CSMD1: variants seen among roughly 807,000 people sequenced by gnomAD.
The protein encoded by CSMD1 is CUB and sushi domain-containing protein 1.
A neutral mutation model predicts 417.5 loss-of-function variants in CSMD1; 213 were observed. The observed-to-expected ratio is 0.51, with a 90% CI of 0.46 to 0.57. CSMD1 has a LOEUF of 0.57. Among genes scored for constraint, CSMD1 ranks in the 20% least tolerant of loss-of-function variants. The pLI is 0.00. For missense variants in CSMD1, 6,923 were observed against 4,529.7 expected (o/e 1.53, Z -15.17); for synonymous variants, 2,862 against 1,736.8 (o/e 1.65, Z -16.11).
At chr8:4,728,561 G>A (rs908123714) in intron 1 of CSMD1, among the ~76,000 whole-genome samples, 5 of 152,080 alleles carry the variant, frequency 3.3e-5, no homozygotes, top group African/African-American at 9.7e-5. Flanking sequence ...AGCTCTTCAT[G>A]TCTTTATTCA....
intron 10 of CSMD1, among the ~76,000 whole-genome samples, chr8:3,531,540 G>A (rs1702464650): frequency 6.6e-6 from 1 of 152,190 alleles, no homozygotes; most frequent in Non-Finnish European, 1.5e-5. Context: ...GAGGGAGGCA[G>A]CCAGAAGTTC....
chr8:3,626,597 T>A (rs1253420150), intron 7 of CSMD1, among the ~76,000 whole-genome samples: 5 of 151,564 alleles, frequency 3.3e-5, no homozygotes, highest in Non-Finnish European at 7.4e-5. Flanking sequence ...TAGAAAACCA[T>A]GAGATATGAT....
rs574968438 is a variant in CSMD1 at position 3,049,224 on chromosome 8, A to G, written c.7660+3238T>C. 7.9e-5 allele frequency among the ~76,000 whole-genome samples: 12 copies of G among 152,212 alleles called. No individual in the cohort carries two copies. The South Asian group carries it at 2.5e-3, about 32-fold the overall frequency. ...CTTACCATTCACTCTATCAATCTCA[A>G]CCTTCGGTATTTACTCAAATATGTT... On this transcript the variant is annotated intron_variant, in intron 50 of 69. Transcript: ENST00000635120.
intron 40 of CSMD1, chr8:3,151,097 T>C (rs961746200): frequency 1.6e-4 from 36 of 218,522 alleles, no homozygotes; most frequent in Admixed American, 5.5e-4. Context: ...AAAAGAGCTA[T>C]TATAAATAAA....
intron 11 of CSMD1, among the ~76,000 whole-genome samples, chr8:3,473,412 A>G (rs1270600066): frequency 6.6e-6 from 1 of 152,222 alleles, no homozygotes; most frequent in Non-Finnish European, 1.5e-5. Context: ...CAAAAATTTC[A>G]TACAGTAAAA....
intron 49 of CSMD1, among the ~76,000 whole-genome samples, chr8:3,074,364 G>A (rs776286800): frequency 3.3e-5 from 5 of 152,076 alleles, no homozygotes; most frequent in Admixed American, 1.3e-4. Flanking sequence ...ACAACATAAC[G>A]CAATCACGGG....
intron 3 of CSMD1, among the ~76,000 whole-genome samples, chr8:4,131,050 C>A (rs1367446246): frequency 6.6e-6 from 1 of 152,110 alleles, no homozygotes; most frequent in East Asian, 1.9e-4. Flanking sequence ...TTGGATTTGT[C>A]CTAATCCTTT....
chr8:4,799,598 C>CAAAAAAAAAAAAAAAA (rs1168273531), intron 1 of CSMD1, among the ~76,000 whole-genome samples: 3 of 47,170 alleles, frequency 6.4e-5, no homozygotes, highest in South Asian at 1.6e-3. Flanking sequence ...GACTCCGTCT[C>CAAAAAAAAAAAAAAAA]AAAAAAAAAA....
chr8:3,861,551 C>T (rs147486003), intron 5 of CSMD1, among the ~76,000 whole-genome samples: 331 of 152,268 alleles, frequency 2.2e-3, no homozygotes, highest in African/African-American at 7.7e-3. Context: ...TTTAACTCCA[C>T]GTGAGCATTA....
intron 1 of CSMD1, among the ~76,000 whole-genome samples, chr8:4,810,382 T>C (rs1585136942): frequency 6.6e-6 from 1 of 152,214 alleles, no homozygotes; most frequent in East Asian, 1.9e-4. Context: ...ATTTATTCCA[T>C]AGCCATTCAT....
chr8:3,251,021 C>CACTCTGAT (rs1800215814), intron 26 of CSMD1, among the ~76,000 whole-genome samples: 2 of 152,108 alleles, frequency 1.3e-5, no homozygotes, highest in South Asian at 4.1e-4. Context: ...GTTGCCTGTT[C>CACTCTGAT]ACTCTGATGG....
chr8:4,281,277 G>T (rs1043628548), intron 3 of CSMD1, among the ~76,000 whole-genome samples: 8 of 152,192 alleles, frequency 5.3e-5, no homozygotes, highest in African/African-American at 1.9e-4. Flanking sequence ...AGCATTATGG[G>T]AAAATAGAAG....
chr8:3,279,971 A>G (rs1257334794), intron 26 of CSMD1, among the ~76,000 whole-genome samples: 1 of 152,194 alleles, frequency 6.6e-6, no homozygotes, highest in Non-Finnish European at 1.5e-5. Flanking sequence ...TAACCGTATC[A>G]GGAAGGTTAC....
At chr8:3,376,305 A>C (rs1260974071) in intron 18 of CSMD1, among the ~76,000 whole-genome samples, 1 of 152,080 alleles carries the variant, frequency 6.6e-6, no homozygotes, top group Non-Finnish European at 1.5e-5. Flanking sequence ...AACCAATAAT[A>C]CTTTTTCAAA....
chr8:3,205,122 A>G lies in CSMD1; in HGVS notation c.4984+382T>C, dbSNP rs113714108. On this transcript the variant is annotated intron_variant, in intron 31 of 69. Transcript: ENST00000635120. ...CATGATCTGGTTACTGAGTTCACTG[A>G]ATGTATGTGCCATTCATGCACAGAC... is the stretch of plus-strand genomic sequence containing the variant. Among the ~76,000 whole-genome samples, 467 of 152,310 alleles carry G rather than the reference A, an allele frequency of 3.1e-3. 5 individuals are homozygous for G. The highest frequency in any genetic ancestry group is 0.011 in the African/African-American group (441 of 41,578).
At chr8:3,383,581 C>T (rs541562335) in intron 18 of CSMD1, among the ~76,000 whole-genome samples, 1 of 152,204 alleles carries the variant, frequency 6.6e-6, no homozygotes, top group South Asian at 2.1e-4. Flanking sequence ...ATGGGACTAT[C>T]TTAAAATTAA....
At chr8:3,485,568 G>C (rs577251834) in intron 11 of CSMD1, among the ~76,000 whole-genome samples, 2 of 151,052 alleles carry the variant, frequency 1.3e-5, no homozygotes, top group Non-Finnish European at 3.0e-5. Flanking sequence ...GAGAGAGGGA[G>C]AGAGAGAAAC....
chr8:3,740,816 C>G (rs1188983019), intron 6 of CSMD1, among the ~76,000 whole-genome samples: 2 of 152,128 alleles, frequency 1.3e-5, no homozygotes, highest in Non-Finnish European at 2.9e-5. Context: ...CTTAGGGAGG[C>G]TATGCAGGCA....
At chr8:4,654,548 A>G (rs1257564221) in intron 1 of CSMD1, among the ~76,000 whole-genome samples, 2 of 152,088 alleles carry the variant, frequency 1.3e-5, no homozygotes, top group African/African-American at 4.8e-5. Flanking sequence ...AGTGGAGTTT[A>G]GAGGGGGAGG....
Sources: allele counts gnomAD v4.1 joint callset (sites outside exome capture counted in the v4.1 genomes callset), GRCh38; gene constraint gnomAD v4.1.1; transcripts MANE v1.5; gene names NCBI Gene and HGNC (gene_info 2026-07-23, HGNC 2026-07-21).